NTNG1: variants seen among roughly 807,000 people sequenced by gnomAD.
NTNG1 encodes the protein netrin-G1.
NTNG1 carries 16 observed loss-of-function variants against 54.0 expected under a neutral mutation model. The observed-to-expected ratio is 0.30, with a 90% CI of 0.20 to 0.45. NTNG1 has a LOEUF of 0.45. Ranked by LOEUF, NTNG1 falls within the 20% of genes least tolerant of loss-of-function variation. NTNG1 has a pLI of 1.00. For missense variants in NTNG1, 530 were observed against 678.7 expected, an observed-to-expected ratio of 0.78 and a Z score of 2.43; for synonymous variants, 255 against 263.1, an observed-to-expected ratio of 0.97 and a Z score of 0.30.
chr1:107,173,993 A>G (rs1209154550), intron 2 of NTNG1, among the ~76,000 whole-genome samples: 1 of 152,098 alleles, frequency 6.6e-6, no homozygotes, highest in Non-Finnish European at 1.5e-5. Context: ...ATAAAAAGTA[A>G]TGTGTACTAG....
intron 7 of NTNG1, among the ~76,000 whole-genome samples, chr1:107,453,699 C>A (rs761975914): frequency 5.9e-5 from 9 of 152,174 alleles, no homozygotes; most frequent in Non-Finnish European, 1.3e-4. Flanking sequence ...GACTCTTACA[C>A]ATAAAAACTC....
At chr1:107,302,453 A>G (rs1174779458) in intron 2 of NTNG1, among the ~76,000 whole-genome samples, 1 of 152,068 alleles carries the variant, frequency 6.6e-6, no homozygotes, top group Non-Finnish European at 1.5e-5. Flanking sequence ...CAAGAAAAAT[A>G]TTATTATTAT....
At chr1:107,304,990 G>A (rs1231907668) in intron 2 of NTNG1, among the ~76,000 whole-genome samples, 1 of 152,094 alleles carries the variant, frequency 6.6e-6, no homozygotes, top group Non-Finnish European at 1.5e-5. Context: ...TGTGGTGTTT[G>A]CTTTTCTGTT....
At chr1:107,429,381 CTT>C (rs1340365431) in intron 5 of NTNG1, among the ~76,000 whole-genome samples, 4 of 152,008 alleles carry the variant, frequency 2.6e-5, no homozygotes, top group Admixed American at 6.6e-5. Flanking sequence ...TTAGCCACCT[CTT>C]ATTATTATTT....
intron 7 of NTNG1, among the ~76,000 whole-genome samples, chr1:107,449,518 T>G (rs1676495861): frequency 6.6e-6 from 1 of 151,946 alleles, no homozygotes; most frequent in Admixed American, 6.6e-5. Context: ...AGTTTGCCAC[T>G]CCTAGTTAGA....
At chr1:107,258,674 G>A (rs1200550654) in intron 2 of NTNG1, among the ~76,000 whole-genome samples, 1 of 152,182 alleles carries the variant, frequency 6.6e-6, no homozygotes, top group African/African-American at 2.4e-5. Flanking sequence ...TCATAAACAA[G>A]GAAGTGGCAG....
chr1:107,253,041 AAAG>A (rs144142862), intron 2 of NTNG1, among the ~76,000 whole-genome samples: 5,039 of 152,294 alleles, frequency 0.033, 269 homozygotes, highest in African/African-American at 0.11. Context: ...CAGAAGCACT[AAAG>A]AATACCAGGG....
At chr1:107,361,353 T>C (rs1670268156) in intron 3 of NTNG1, among the ~76,000 whole-genome samples, 1 of 106,104 alleles carries the variant, frequency 9.4e-6, no homozygotes, top group Admixed American at 1.2e-4. Context: ...ATATATACAT[T>C]ATATAACATA....
At chr1:107,407,014 C>T (rs1199510121) in intron 4 of NTNG1, among the ~76,000 whole-genome samples, 1 of 152,146 alleles carries the variant, frequency 6.6e-6, no homozygotes, top group Non-Finnish European at 1.5e-5. Flanking sequence ...TACCTTAGCA[C>T]AACTTGTGAA....
intron 7 of NTNG1, among the ~76,000 whole-genome samples, chr1:107,448,217 A>T (rs2101466845): frequency 6.6e-6 from 1 of 152,254 alleles, no homozygotes; most frequent in South Asian, 2.1e-4. Flanking sequence ...TTAGCCACTC[A>T]TTTAAGTCAT....
chr1:107,155,117 G>A (rs1240376455), intron 2 of NTNG1, among the ~76,000 whole-genome samples: 2 of 151,976 alleles, frequency 1.3e-5, no homozygotes, highest in Non-Finnish European at 2.9e-5. Context: ...ACTATAATGA[G>A]CATATTCTCC....
intron 2 of NTNG1, among the ~76,000 whole-genome samples, chr1:107,284,353 A>C (rs1188722143): frequency 6.6e-6 from 1 of 152,142 alleles, no homozygotes; most frequent in Non-Finnish European, 1.5e-5. Flanking sequence ...ATGATACTTG[A>C]ATATCCCCAC....
chr1:107,166,579 A>T (rs546551673), intron 2 of NTNG1, among the ~76,000 whole-genome samples: 1 of 152,324 alleles, frequency 6.6e-6, no homozygotes, highest in South Asian at 2.1e-4. Context: ...ATCACAAATC[A>T]TAAGTACTTA....
intron 2 of NTNG1, among the ~76,000 whole-genome samples, chr1:107,252,373 G>A (rs572493674): frequency 1.3e-5 from 2 of 152,114 alleles, no homozygotes; most frequent in Admixed American, 1.3e-4. Context: ...GTATTTTATC[G>A]AAAGTCACGG....
chr1:107,366,988 A>T (rs1670628289), intron 3 of NTNG1, among the ~76,000 whole-genome samples: 1 of 152,106 alleles, frequency 6.6e-6, no homozygotes, highest in South Asian at 2.1e-4. Flanking sequence ...TACTTGCTTG[A>T]TCTATTGAAT....
At chr1:107,376,191 T>C (rs993776438) in intron 3 of NTNG1, among the ~76,000 whole-genome samples, 4 of 150,892 alleles carry the variant, frequency 2.7e-5, no homozygotes, top group South Asian at 2.1e-4. Flanking sequence ...GAGGCAGAGG[T>C]GGGCGGATCA....
chr1:107,298,799 A>G (rs1404884413), intron 2 of NTNG1, among the ~76,000 whole-genome samples: 1 of 152,148 alleles, frequency 6.6e-6, no homozygotes, highest in Non-Finnish European at 1.5e-5. Flanking sequence ...GCCTCAAATG[A>G]ACCATTTCAG....
At chr1:107,326,686 T>TA (rs1186130321) in intron 3 of NTNG1, among the ~76,000 whole-genome samples, 1 of 152,082 alleles carries the variant, frequency 6.6e-6, no homozygotes, top group Non-Finnish European at 1.5e-5. Context: ...CCTTGCAGTT[T>TA]AAAAAATACT....
intron 3 of NTNG1, among the ~76,000 whole-genome samples, chr1:107,331,675 T>G (rs1203521854): frequency 1.3e-5 from 2 of 152,152 alleles, no homozygotes; most frequent in Non-Finnish European, 2.9e-5. Context: ...ATGGATAAAC[T>G]TGGAAATAGC....
Sources: allele counts gnomAD v4.1 joint callset (sites outside exome capture counted in the v4.1 genomes callset), GRCh38; gene constraint gnomAD v4.1.1; transcripts MANE v1.5; gene names NCBI Gene and HGNC (gene_info 2026-07-23, HGNC 2026-07-21).